NEDD4: variants seen among roughly 807,000 people sequenced by gnomAD.
The protein encoded by NEDD4 is E3 ubiquitin-protein ligase NEDD4.
Under a neutral mutation model 144.9 loss-of-function variants are expected in NEDD4, and 99 were observed. That is an observed-to-expected ratio of 0.68 (90% confidence interval 0.58 to 0.81). NEDD4 has a LOEUF of 0.81. NEDD4 is among the 30% of genes least tolerant of loss of function. NEDD4 has a pLI of 0.00. For missense variants in NEDD4, 985 were observed against 1,065.9 expected (o/e 0.92, Z 1.06); for synonymous variants, 318 against 350.6 (o/e 0.91, Z 1.04).
In NEDD4 at chr15:55,827,402, G is replaced by C. The variant is rs1480735249; in HGVS notation, c.*2495C>G. The C allele has an allele frequency of 6.6e-6, 1 of 152,162 alleles. No individual in the cohort carries two copies. Among genetic ancestry groups the C allele is most frequent in the Non-Finnish European group, 1.5e-5 (1 of 68,024 alleles). 9.4% of individuals were successfully genotyped at this position (152,162 alleles called of 1,614,324 possible). ...CACGAGCCCCTAGTGGGAGATGAAG[G>C]GGATGAAGGTCTGCAGCTGGGGACT... On this transcript the variant is annotated 3_prime_UTR_variant, in exon 29 of 29. Transcript: ENST00000435532.
chr15:55,890,683 T>G (rs1351033684), intron 5 of NEDD4, among the ~76,000 whole-genome samples: 1 of 152,250 alleles, frequency 6.6e-6, no homozygotes, highest in Non-Finnish European at 1.5e-5. Flanking sequence ...TTCATTTCTC[T>G]TGGATATATA....
chr15:55,951,670 C>G, intron 2 of NEDD4, 81 bp from the exon 3 acceptor site: 2 of 1,041,048 alleles, frequency 1.9e-6, no homozygotes. Context: ...CTATAAAATT[C>G]ACAGTTTTCC....
intron 5 of NEDD4, among the ~76,000 whole-genome samples, chr15:55,882,642 G>A (rs2035235658): frequency 6.6e-6 from 1 of 152,152 alleles, no homozygotes; most frequent in Non-Finnish European, 1.5e-5. Flanking sequence ...TACTGGGCTT[G>A]GATTGGAACC....
At chr15:55,980,125 C>A (rs1214877698) in intron 1 of NEDD4, among the ~76,000 whole-genome samples, 1 of 151,980 alleles carries the variant, frequency 6.6e-6, no homozygotes, top group Non-Finnish European at 1.5e-5. Flanking sequence ...GTATTTTTAG[C>A]TTTGCCACGT....
At chr15:55,836,906 G>A (rs566819342) in intron 24 of NEDD4, among the ~76,000 whole-genome samples, 50 of 152,128 alleles carry the variant, frequency 3.3e-4, no homozygotes, top group African/African-American at 1.1e-3. Flanking sequence ...CAATCCTCCC[G>A]CCTCAGCCTC....
At chr15:55,985,352 G>A (rs1185821489) in intron 1 of NEDD4, among the ~76,000 whole-genome samples, 1 of 152,248 alleles carries the variant, frequency 6.6e-6, no homozygotes, top group Non-Finnish European at 1.5e-5. Flanking sequence ...ACGGGGCACT[G>A]AGGGGAGGAG....
intron 4 of NEDD4, among the ~76,000 whole-genome samples, chr15:55,945,455 G>C (rs536878702): frequency 6.6e-6 from 1 of 152,218 alleles, no homozygotes; most frequent in African/African-American, 2.4e-5. Flanking sequence ...GAGAATACAA[G>C]TTTAGAGAAA....
intron 4 of NEDD4, among the ~76,000 whole-genome samples, chr15:55,948,851 G>C (rs1310881995): frequency 2.0e-5 from 3 of 152,180 alleles, no homozygotes; most frequent in South Asian, 2.1e-4. Context: ...CATAAGAACC[G>C]TAGAAGAAAA....
At chr15:55,896,100 G>GC (rs1167404130) in intron 5 of NEDD4, among the ~76,000 whole-genome samples, 2 of 152,064 alleles carry the variant, frequency 1.3e-5, no homozygotes, top group South Asian at 2.1e-4. Context: ...ATTAACAAAA[G>GC]CCCCCCAATA....
chr15:55,947,179 G>C (rs1329698064), intron 4 of NEDD4, among the ~76,000 whole-genome samples: 1 of 152,138 alleles, frequency 6.6e-6, no homozygotes, highest in Non-Finnish European at 1.5e-5. Context: ...CAAGGAGAGA[G>C]AGACATAAAA....
chr15:55,926,161 C>G (rs576230022), intron 4 of NEDD4, among the ~76,000 whole-genome samples: 7 of 152,074 alleles, frequency 4.6e-5, no homozygotes, highest in Non-Finnish European at 7.4e-5. Flanking sequence ...CTGTTCTATT[C>G]TATATATTGT....
intron 2 of NEDD4, among the ~76,000 whole-genome samples, chr15:55,964,650 G>GGTGT (rs60902586): frequency 6.0e-4 from 87 of 144,404 alleles, no homozygotes; most frequent in African/African-American, 8.1e-4. Flanking sequence ...TTTTGCTGCT[G>GGTGT]GTGTGTGTGT....
chr15:55,844,342 A>G (rs1194423771), intron 18 of NEDD4, among the ~76,000 whole-genome samples: 2 of 152,050 alleles, frequency 1.3e-5, no homozygotes, highest in African/African-American at 2.4e-5. Context: ...AGCTGACGGG[A>G]CAGGGTGTAA....
At chr15:55,983,672 C>T (rs2037843791) in intron 1 of NEDD4, among the ~76,000 whole-genome samples, 3 of 149,402 alleles carry the variant, frequency 2.0e-5, no homozygotes, top group Admixed American at 6.7e-5. Flanking sequence ...AGTGCAGTGG[C>T]GCAGTCTCGG....
intron 5 of NEDD4, among the ~76,000 whole-genome samples, chr15:55,901,054 TTTTTTAA>T (rs1288371499): frequency 6.6e-6 from 1 of 152,112 alleles, no homozygotes; most frequent in African/African-American, 2.4e-5. Flanking sequence ...GTATCTAACT[TTTTTTAA>T]TTTTTAATTT....
chr15:55,896,341 C>A (rs2035738698), intron 5 of NEDD4, among the ~76,000 whole-genome samples: 1 of 152,086 alleles, frequency 6.6e-6, no homozygotes, highest in Non-Finnish European at 1.5e-5. Context: ...CACCGGTATG[C>A]CTGGCTAATT....
At chr15:55,924,478 G>A in intron 5 of NEDD4, 168 bp downstream of exon 5, 1 of 594,610 alleles carries the variant, frequency 1.7e-6, no homozygotes, top group South Asian at 2.1e-5. Flanking sequence ...GGAGCGAGTA[G>A]GACCAGGAGG....
chr15:55,882,081 GT>G (rs1160876940), intron 5 of NEDD4, among the ~76,000 whole-genome samples: 1 of 152,116 alleles, frequency 6.6e-6, no homozygotes, highest in Non-Finnish European at 1.5e-5. Context: ...CCTAATTTTG[GT>G]TTTTAAAAGT....
intron 4 of NEDD4, among the ~76,000 whole-genome samples, chr15:55,940,412 A>C (rs2036976010): frequency 1.3e-5 from 2 of 152,054 alleles, no homozygotes; most frequent in Non-Finnish European, 2.9e-5. Context: ...ACCCCCAATA[A>C]ATCAGTTAAA....
Sources: gnomAD v4.1 joint callset for allele counts (sites outside exome capture counted in the v4.1 genomes callset) on GRCh38, gnomAD v4.1.1 for gene constraint, MANE v1.5 for transcripts, NCBI Gene and HGNC (gene_info 2026-07-23, HGNC 2026-07-21) for gene names.